FARP2: variants seen among roughly 807,000 people sequenced by gnomAD.
The protein encoded by FARP2 is FERM, ARH/RhoGEF and pleckstrin domain protein 2, also known as FERM, ARHGEF and pleckstrin domain-containing protein 2.
FARP2 carries 111 observed loss-of-function variants against 130.5 expected under a neutral mutation model. That is an observed-to-expected ratio of 0.85 (90% CI 0.73 to 1.00). The LOEUF is 1.00. Ranked by LOEUF, FARP2 falls within the 50% of genes least tolerant of loss-of-function variation. The pLI is 0.00. For missense variants in FARP2, 1,385 were observed against 1,346.3 expected (o/e 1.03, Z -0.45); for synonymous variants, 504 against 516.9 (o/e 0.98, Z 0.34).
At chr2:241,430,484 A>G (rs1213524241) in intron 8 of FARP2, among the ~76,000 whole-genome samples, 2 of 152,016 alleles carry the variant, frequency 1.3e-5, no homozygotes, top group Admixed American at 1.3e-4. Flanking sequence ...ATATATCTAT[A>G]TTTACCTCTA....
Position 241,456,666 on chromosome 2 carries a change from C to G in FARP2, c.1412-81C>G, listed in dbSNP as rs1302003663. The G allele has an allele frequency of 4.2e-6, 6 of 1,416,484 alleles. No homozygotes were observed. In the East Asian group the frequency reaches 1.4e-4, roughly 32 times the overall value. The allele number at this position is 1,416,484 out of a possible 1,614,324, so 87.7% of individuals were successfully genotyped here. ...TGTGTGAGGCTGGCGGTTGAATGGT[C>G]AGGAGAGTAGTAGCGGCTCTAAGCC... is the stretch of plus-strand genomic sequence containing the variant. On this transcript the variant is annotated intron_variant, in intron 13 of 26. Transcript: ENST00000264042.
intron 2 of FARP2, among the ~76,000 whole-genome samples, chr2:241,396,991 A>G (rs1015280741): frequency 6.6e-6 from 1 of 151,962 alleles, no homozygotes; most frequent in African/African-American, 2.4e-5. Flanking sequence ...ACAGCATGGA[A>G]TACTATGCAG....
intron 13 of FARP2, among the ~76,000 whole-genome samples, chr2:241,453,552 G>A (rs1475899268): frequency 6.6e-6 from 1 of 151,684 alleles, no homozygotes; most frequent in Non-Finnish European, 1.5e-5. Flanking sequence ...AACCTGGGAG[G>A]CGGAGCTTGC....
At chr2:241,420,421 T>A (rs2150376806) in intron 8 of FARP2, among the ~76,000 whole-genome samples, 1 of 152,296 alleles carries the variant, frequency 6.6e-6, no homozygotes, top group South Asian at 2.1e-4. Flanking sequence ...GTGGCCAAGC[T>A]GGCAGGCTTT....
At chr2:241,458,904 C>T (rs933176126) in intron 14 of FARP2, among the ~76,000 whole-genome samples, 2 of 152,208 alleles carry the variant, frequency 1.3e-5, no homozygotes, top group Admixed American at 1.3e-4. Flanking sequence ...GATGGGGGCA[C>T]CTCAGGGTCC....
intron 13 of FARP2, among the ~76,000 whole-genome samples, chr2:241,449,654 A>G (rs1220274719): frequency 6.6e-6 from 1 of 152,192 alleles, no homozygotes; most frequent in East Asian, 1.9e-4. Context: ...TTCAGAAATC[A>G]TATGATGAAT....
At chr2:241,434,801 A>G (rs111667855) in intron 10 of FARP2, among the ~76,000 whole-genome samples, 161 bp from the exon 11 acceptor site, 52 of 152,222 alleles carry the variant, frequency 3.4e-4, no homozygotes, top group African/African-American at 1.2e-3. Flanking sequence ...ACGCCACTGC[A>G]CTCCACCCTG....
intron 5 of FARP2, among the ~76,000 whole-genome samples, chr2:241,410,621 G>C (rs539450027): frequency 2.6e-3 from 400 of 152,074 alleles, no homozygotes; most frequent in Non-Finnish European, 4.3e-3. Flanking sequence ...TTAGAGACAG[G>C]GTTTCACAGT....
At chr2:241,372,707 G>T (rs1013741870) in intron 1 of FARP2, 6 of 154,170 alleles carry the variant, frequency 3.9e-5, no homozygotes, top group African/African-American at 1.4e-4. Context: ...GTGGCGAGAG[G>T]TGTGCCAGGG....
rs573281356 is a variant in FARP2, at chr2:241,376,751, C to G, written c.183+3461C>G. Among the ~76,000 whole-genome samples the G allele has an allele frequency of 4.6e-5, 7 of 152,330 alleles. No homozygotes were observed. In the South Asian group the frequency reaches 1.0e-3, roughly 23 times the overall value. ...GGTCAGGTGGTTTTTGCTGTTGGAC[C>G]TGTAGACTGAGGCAGACATTCGGCT... is the stretch of plus-strand genomic sequence containing the variant. On this transcript the variant is annotated intron_variant, in intron 2 of 26. Coordinates refer to ENST00000264042, the MANE Select transcript of FARP2 (RefSeq NM_014808.4).
At chr2:241,371,000 CTTGTTGTT>C (rs1225325810) in intron 1 of FARP2, among the ~76,000 whole-genome samples, 1 of 152,130 alleles carries the variant, frequency 6.6e-6, no homozygotes, top group Non-Finnish European at 1.5e-5. Flanking sequence ...CTTGCACTGC[CTTGTTGTT>C]TTGTTCATAG....
Position 241,437,669 on chromosome 2 carries a change from TA to T in FARP2, c.1158+1132del, listed in dbSNP as rs199556283. On this transcript the variant is annotated intron_variant, in intron 12 of 26. Coordinates refer to ENST00000264042, the MANE Select transcript of FARP2 (RefSeq NM_014808.4). Reference sequence around the variant, plus strand: ...ATATATATTTATTTATTTATTTATTTATTTTTTTTTTTTGAGACGGAGTCTT... The same window carrying T: ...ATATATATTTATTTATTTATTTATTTTTTTTTTTTTTTGAGACGGAGTCTT... Among the ~76,000 whole-genome samples, 235 of 143,246 alleles carry T rather than the reference TA, an allele frequency of 1.6e-3. 1 individual carries two copies. Among genetic ancestry groups the T allele is most frequent in the African/African-American group, 5.0e-3 (201 of 40,064 alleles). The allele number at this position is 143,246 out of a possible 152,430, so 94.0% of individuals were successfully genotyped here.
At chr2:241,483,392 A>AC in intron 19 of FARP2, 73 bp from the exon 20 acceptor site, 1 of 1,294,176 alleles carries the variant, frequency 7.7e-7, no homozygotes, top group East Asian at 2.3e-5. Context: ...GCTATTCCTG[A>AC]CCCTCAGCCC....
chr2:241,357,221 C>T (rs73116357), intron 1 of FARP2, among the ~76,000 whole-genome samples: 1 of 152,172 alleles, frequency 6.6e-6, no homozygotes, highest in Non-Finnish European at 1.5e-5. Context: ...GTTTTTCTCT[C>T]TGGGTTTTTG....
chr2:241,389,484 A>G (rs936982315), intron 2 of FARP2, among the ~76,000 whole-genome samples: 4 of 152,218 alleles, frequency 2.6e-5, no homozygotes, highest in Non-Finnish European at 5.9e-5. Flanking sequence ...CTCCAGAACT[A>G]TGAGAAATAA....
intron 2 of FARP2, among the ~76,000 whole-genome samples, chr2:241,374,485 G>A (rs898110140): frequency 6.6e-6 from 1 of 152,138 alleles, no homozygotes; most frequent in Non-Finnish European, 1.5e-5. Context: ...TTACACTTGG[G>A]AATTTCTTTT....
At chr2:241,457,921 A>G (rs2063904926) in intron 14 of FARP2, among the ~76,000 whole-genome samples, 1 of 152,150 alleles carries the variant, frequency 6.6e-6, no homozygotes, top group Admixed American at 6.5e-5. Flanking sequence ...CACATGGGCC[A>G]CAGACAGGGG....
intron 8 of FARP2, among the ~76,000 whole-genome samples, chr2:241,418,745 A>G (rs2062739229): frequency 6.6e-6 from 1 of 152,168 alleles, no homozygotes; most frequent in Non-Finnish European, 1.5e-5. Context: ...TGTGATGTCC[A>G]AGAAGCTTAA....
chr2:241,446,408 T>C (rs1163218857), intron 13 of FARP2: 7 of 152,256 alleles, frequency 4.6e-5, no homozygotes, highest in African/African-American at 1.4e-4. Flanking sequence ...GTCATTTTGC[T>C]GAGGGTGACT....
Sources: allele counts gnomAD v4.1 joint callset (sites outside exome capture counted in the v4.1 genomes callset), GRCh38; gene constraint gnomAD v4.1.1; transcripts MANE v1.5; gene names NCBI Gene and HGNC (gene_info 2026-07-23, HGNC 2026-07-21).